Variants in RAD51C observed in about 807,000 individuals in gnomAD.
RAD51C encodes the protein DNA repair protein RAD51 homolog 3.
In RAD51C, 42 loss-of-function variants were observed where a neutral mutation model predicts 45.0. The observed-to-expected ratio is 0.93, with a 90% CI of 0.73 to 1.21. The LOEUF is 1.21. Ranked by LOEUF, RAD51C falls within the 50% of genes most tolerant of loss-of-function variation. The pLI is 0.00. For synonymous variants in RAD51C, 172 were observed against 159.8 expected, an observed-to-expected ratio of 1.08 and a Z score of -0.58; for missense variants, 474 against 452.2, an observed-to-expected ratio of 1.05 and a Z score of -0.44.
chr17:58,716,273 A>G (rs2048733428), intron 5 of RAD51C, among the ~76,000 whole-genome samples: 1 of 152,160 alleles, frequency 6.6e-6, no homozygotes, highest in Non-Finnish European at 1.5e-5. Flanking sequence ...CTGGTAAATC[A>G]GTAGTTTGAT....
intron 3 of RAD51C, among the ~76,000 whole-genome samples, chr17:58,699,561 T>A (rs1286399162): frequency 5.3e-5 from 8 of 152,094 alleles, no homozygotes; most frequent in Admixed American, 5.2e-4. Flanking sequence ...CACTTTGGCA[T>A]AAGGATTATT....
At chr17:58,721,724 A>G (rs1405118137) in intron 6 of RAD51C, among the ~76,000 whole-genome samples, 1 of 151,522 alleles carries the variant, frequency 6.6e-6, no homozygotes, top group Admixed American at 6.6e-5. Context: ...GCGCCATTGC[A>G]CTCCAGCCTG....
At position 58,734,454 on chromosome 17, in the gene RAD51C, G is replaced by T. The variant is rs954599032; in HGVS notation, c.*232G>T. 1.5e-5 allele frequency: 10 copies of T among 669,326 alleles called. No individual in the cohort carries two copies. Among genetic ancestry groups the T allele is most frequent in the Non-Finnish European group, 2.2e-5 (9 of 415,348 alleles). 41.5% of individuals were successfully genotyped at this position (669,326 alleles called of 1,614,324 possible). A position where few individuals can be genotyped will look rare whatever the true frequency, so the allele number is the denominator to read the frequency against. ...ATTTTCAGTAACATTCAGTAGAGAT[G>T]ATTATTATATTTCACAAATGTGGAA... is the stretch of plus-strand genomic sequence containing the variant. On this transcript the variant is annotated 3_prime_UTR_variant, in exon 9 of 9. Transcript: ENST00000337432.
chr17:58,696,931 T>G, intron 3 of RAD51C, 72 bp downstream of exon 3: 1 of 1,502,300 alleles, frequency 6.7e-7, no homozygotes, highest in Non-Finnish European at 9.2e-7. Flanking sequence ...ATCTGAGACC[T>G]CAGCAACACT....
At chr17:58,729,751 T>C (rs2049335928) in intron 7 of RAD51C, among the ~76,000 whole-genome samples, 1 of 151,862 alleles carries the variant, frequency 6.6e-6, no homozygotes, top group African/African-American at 2.4e-5. Context: ...TTTGTATTTT[T>C]AGTAGAGACA....
intron 3 of RAD51C, among the ~76,000 whole-genome samples, 166 bp from the exon 4 acceptor site, chr17:58,703,030 A>G (rs1033584861): frequency 6.6e-6 from 1 of 152,260 alleles, no homozygotes; most frequent in Non-Finnish European, 1.5e-5. Context: ...TTAAAAGATC[A>G]GGAATTATGA....
intron 2 of RAD51C, among the ~76,000 whole-genome samples, chr17:58,695,534 C>T (rs2047973309): frequency 6.6e-6 from 1 of 152,112 alleles, no homozygotes; most frequent in South Asian, 2.1e-4. Flanking sequence ...GCCTATAATC[C>T]CAGCACTTTG....
chr17:58,711,439 A>G (rs2048553314), intron 5 of RAD51C, among the ~76,000 whole-genome samples: 1 of 152,162 alleles, frequency 6.6e-6, no homozygotes, highest in Non-Finnish European at 1.5e-5. Flanking sequence ...TATGAAGAGA[A>G]AGATCTGAAA....
At chr17:58,718,353 T>TA (rs974027046) in intron 5 of RAD51C, among the ~76,000 whole-genome samples, 1 of 152,196 alleles carries the variant, frequency 6.6e-6, no homozygotes, top group Non-Finnish European at 1.5e-5. Context: ...ACCTTTTTCT[T>TA]ACTGCTTTTC....
rs2048494505 is a variant in RAD51C at position 58,709,878 on chromosome 17, A to G, written c.725A>G (p.Asp242Gly). The change falls in exon 5 of 9, where the codon GAT becomes GGT. Residue 242 changes from aspartate (D) to glycine (G), a missense_variant. Coordinates refer to ENST00000337432, the MANE Select transcript of RAD51C (RefSeq NM_058216.3). The part of the protein sequence containing the change: ...EHSKVRLVIV[D>G]GIAFPFRHDL... ...ATTTAGGTTCGACTAGTGATAGTGG[A>G]TGGTATTGCTTTTCCATTTCGTCAT... 6.2e-7 allele frequency: 1 copy of G among 1,608,884 alleles called. No homozygotes were observed. The highest frequency in any genetic ancestry group is 2.2e-5 in the East Asian group (1 of 44,826).
chr17:58,725,073 G>A (rs1239834191), intron 7 of RAD51C, among the ~76,000 whole-genome samples: 4 of 151,996 alleles, frequency 2.6e-5, no homozygotes, highest in Non-Finnish European at 5.9e-5. Context: ...GTGCAGTTTG[G>A]GTCTTCTTTA....
Position 58,721,027 on chromosome 17 carries a change from G to A in RAD51C, c.904+215G>A, listed in dbSNP as rs535327876. Reference sequence around the variant, plus strand: ...TGGCCAGACACAGTGTCCCACACCTGTAATCCCAACACCTTGGGAGGCCGA... The same window carrying A: ...TGGCCAGACACAGTGTCCCACACCTATAATCCCAACACCTTGGGAGGCCGA... On this transcript the variant is annotated intron_variant, in intron 6 of 8. Coordinates refer to ENST00000337432, the MANE Select transcript of RAD51C (RefSeq NM_058216.3). Among the ~76,000 whole-genome samples the A allele has an allele frequency of 2.0e-5, 3 of 152,256 alleles. No homozygotes were observed. In the East Asian group the frequency reaches 5.8e-4, roughly 29 times the overall value.
chr17:58,703,158 A>G, intron 3 of RAD51C, 38 bp from the exon 4 acceptor site: 1 of 1,601,846 alleles, frequency 6.2e-7, no homozygotes, highest in Non-Finnish European at 8.5e-7. Context: ...AATACATCCA[A>G]ACAGGTAAAA....
chr17:58,699,141 G>A (rs2048122303), intron 3 of RAD51C, among the ~76,000 whole-genome samples: 1 of 151,618 alleles, frequency 6.6e-6, no homozygotes, highest in South Asian at 2.1e-4. Context: ...TGAGTAGCTG[G>A]GACTACGGGC....
Position 58,731,102 on chromosome 17 carries a change from T to G in RAD51C, c.966-1382T>G, listed in dbSNP as rs537210260. The stretch of plus-strand genomic sequence containing the variant: ...TTCAAGGCTCATTTATGTTGTAGCA[T>G]GTGTCAGAATTTTCTTCCTTAAGTC... On this transcript the variant is annotated intron_variant, in intron 7 of 8. Coordinates refer to ENST00000337432, the MANE Select transcript of RAD51C (RefSeq NM_058216.3). 2.6e-5 allele frequency among the ~76,000 whole-genome samples: 4 copies of G among 152,330 alleles called. No individual in the cohort carries two copies. In the South Asian group the frequency reaches 8.3e-4, roughly 32 times the overall value.
chr17:58,712,249 G>A (rs2048580151), intron 5 of RAD51C, among the ~76,000 whole-genome samples: 1 of 150,568 alleles, frequency 6.6e-6, no homozygotes, highest in African/African-American at 2.4e-5. Flanking sequence ...GGAGGCTGAG[G>A]CAGGGGAATC....
chr17:58,719,727 T>A (rs1340769331), intron 5 of RAD51C, among the ~76,000 whole-genome samples: 6 of 145,356 alleles, frequency 4.1e-5, no homozygotes. Flanking sequence ...GGTGGATTTT[T>A]AATTTTTTTT....
At chr17:58,712,107 G>A (rs1297114802) in intron 5 of RAD51C, among the ~76,000 whole-genome samples, 1 of 151,900 alleles carries the variant, frequency 6.6e-6, no homozygotes, top group African/African-American at 2.4e-5. Context: ...CCAGCACTTT[G>A]GGAGACTGAG....
In RAD51C at chr17:58,692,801, G is replaced by A. The variant is rs1177750681; in HGVS notation, c.145+13G>A. ...GAGCTTAGCAAAGGTAACGACTCCT[G>A]ATGGCAAGCTGAGGCACACCGGCCG... is the stretch of plus-strand genomic sequence containing the variant. On this transcript the variant is annotated intron_variant, in intron 1 of 8. Transcript: ENST00000337432. 2.5e-6 allele frequency: 4 copies of A among 1,614,030 alleles called. No individual in the cohort carries two copies. Among genetic ancestry groups the A allele is most frequent in the Non-Finnish European group, 3.4e-6 (4 of 1,180,020 alleles).
Sources: gnomAD v4.1 joint callset for allele counts (sites outside exome capture counted in the v4.1 genomes callset) on GRCh38, gnomAD v4.1.1 for gene constraint, MANE v1.5 for transcripts, NCBI Gene and HGNC (gene_info 2026-07-23, HGNC 2026-07-21) for gene names.